Variants in TESMIN observed in about 807,000 individuals in gnomAD.
TESMIN encodes the protein testis expressed metallothionein like protein.
In TESMIN, 34 loss-of-function variants were observed where a neutral mutation model predicts 47.4. The observed-to-expected ratio is 0.72, with a 90% CI of 0.55 to 0.96. The LOEUF is 0.96. Ranked by LOEUF, TESMIN falls within the 40% of genes least tolerant of loss-of-function variation. TESMIN has a pLI of 0.00. For missense variants in TESMIN, 610 were observed against 637.2 expected, an observed-to-expected ratio of 0.96 and a Z score of 0.46; for synonymous variants, 278 against 258.9, an observed-to-expected ratio of 1.07 and a Z score of -0.71.
intron 6 of TESMIN, among the ~76,000 whole-genome samples, chr11:68,720,268 T>C (rs1281752028): frequency 1.6e-4 from 25 of 152,174 alleles, no homozygotes; most frequent in Non-Finnish European, 5.9e-5. Flanking sequence ...TTTTGAAGAT[T>C]TTAAAATCTG....
chr11:68,745,283 T>C (rs1946505499), intron 3 of TESMIN, among the ~76,000 whole-genome samples, 172 bp from the exon 4 acceptor site: 2 of 149,876 alleles, frequency 1.3e-5, no homozygotes, highest in South Asian at 2.1e-4. Context: ...AACATGCTCT[T>C]TGGAGACACC....
At chr11:68,749,080 C>T (rs888910703) in intron 2 of TESMIN, among the ~76,000 whole-genome samples, 24 of 152,346 alleles carry the variant, frequency 1.6e-4, no homozygotes, top group Middle Eastern at 3.4e-3. Flanking sequence ...CTAGGACCTA[C>T]GGGCAGGAGG....
intron 2 of TESMIN, among the ~76,000 whole-genome samples, chr11:68,747,833 T>C (rs1325316587): frequency 6.6e-6 from 1 of 152,200 alleles, no homozygotes; most frequent in Non-Finnish European, 1.5e-5. Context: ...AGCTGTCTTC[T>C]GTAACAACTG....
intron 6 of TESMIN, among the ~76,000 whole-genome samples, chr11:68,721,571 T>C (rs1401054783): frequency 6.6e-6 from 1 of 152,224 alleles, no homozygotes; most frequent in Non-Finnish European, 1.5e-5. Context: ...ACTCTCTTGC[T>C]CACTCTGTCT....
At chr11:68,739,802 G>T (rs1276204887) in intron 5 of TESMIN, among the ~76,000 whole-genome samples, 1 of 152,186 alleles carries the variant, frequency 6.6e-6, no homozygotes, top group Admixed American at 6.5e-5. Flanking sequence ...CCTGAGACAG[G>T]TGTCCCTTTT....
At chr11:68,736,572 A>G (rs1432831749) in intron 6 of TESMIN, 2 of 985,336 alleles carry the variant, frequency 2.0e-6, no homozygotes, top group African/African-American at 3.5e-5. Context: ...CGAGATAAAA[A>G]TCATCAGGCC....
At chr11:68,731,166 T>G (rs76209308) in intron 6 of TESMIN, among the ~76,000 whole-genome samples, 11,026 of 152,192 alleles carry the variant, frequency 0.072, 446 homozygotes, top group Middle Eastern at 0.15. Flanking sequence ...GGAAGCTTCT[T>G]GGAGGGAGAC....
chr11:68,737,016 A>G, intron 6 of TESMIN: 1 of 985,454 alleles, frequency 1.0e-6, no homozygotes. Flanking sequence ...TGAATGTTCT[A>G]GACACAATAC....
intron 6 of TESMIN, 85 bp downstream of exon 6, chr11:68,738,613 TTA>T (rs1189828818): frequency 6.3e-7 from 1 of 1,576,446 alleles, no homozygotes; most frequent in East Asian, 2.3e-5. Context: ...GAAGCTCATT[TTA>T]TAGTATAGAA....
chr11:68,713,479 A>C, intron 7 of TESMIN, 72 bp from the exon 8 acceptor site: 126 of 1,530,562 alleles, frequency 8.2e-5, no homozygotes, highest in Middle Eastern at 1.8e-4. Context: ...AGGGCATCTC[A>C]TTTGAATCTG....
At chr11:68,747,057 A>C in intron 3 of TESMIN, 151 bp downstream of exon 3, 1 of 740,378 alleles carries the variant, frequency 1.4e-6, no homozygotes, top group Admixed American at 2.2e-5. Context: ...TGAAAGGCTC[A>C]TGTCCCTGTT....
chr11:68,740,568 G>C (rs956658551), intron 5 of TESMIN, among the ~76,000 whole-genome samples: 3 of 152,114 alleles, frequency 2.0e-5, no homozygotes, highest in Admixed American at 2.0e-4. Context: ...AGCGTGGAGG[G>C]GGCCAGACGG....
intron 6 of TESMIN, among the ~76,000 whole-genome samples, chr11:68,729,149 A>T (rs974116616): frequency 7.2e-5 from 11 of 152,348 alleles, no homozygotes; most frequent in African/African-American, 2.4e-4. Context: ...CCTTCTGGAA[A>T]TTATTCCATT....
chr11:68,719,131 G>T (rs1946175604), intron 6 of TESMIN, among the ~76,000 whole-genome samples: 1 of 152,174 alleles, frequency 6.6e-6, no homozygotes, highest in African/African-American at 2.4e-5. Context: ...CTGGAAACCA[G>T]CCCCTCCATG....
At chr11:68,743,556 C>T (rs780197358) in intron 4 of TESMIN, among the ~76,000 whole-genome samples, 6 of 152,002 alleles carry the variant, frequency 3.9e-5, no homozygotes, top group Non-Finnish European at 8.8e-5. Flanking sequence ...GCACTACTTT[C>T]GATTTATGTG....
intron 2 of TESMIN, 24 bp downstream of exon 2, chr11:68,750,166 G>A (rs1252107390): frequency 6.9e-7 from 1 of 1,439,618 alleles, no homozygotes; most frequent in Non-Finnish European, 9.1e-7. Context: ...GGGGAGCTGT[G>A]CCCATTCCCC....
At chr11:68,741,855 C>T (rs759101159) in intron 5 of TESMIN, among the ~76,000 whole-genome samples, 8 of 152,168 alleles carry the variant, frequency 5.3e-5, no homozygotes, top group East Asian at 1.9e-4. Flanking sequence ...AAGGCTCTTC[C>T]GGGGAGGTGA....
intron 8 of TESMIN, among the ~76,000 whole-genome samples, chr11:68,711,673 CATGTGAGGCTATT>C (rs1259876115): frequency 6.6e-5 from 10 of 152,312 alleles, no homozygotes; most frequent in African/African-American, 1.7e-4. Flanking sequence ...TCTCTTTCAG[CATGTGAGGCTATT>C]ATGCTGGTTC....
intron 6 of TESMIN, among the ~76,000 whole-genome samples, chr11:68,726,438 C>A (rs1470314981): frequency 6.6e-6 from 1 of 152,102 alleles, no homozygotes; most frequent in Non-Finnish European, 1.5e-5. Flanking sequence ...CAAAGAACTC[C>A]CACAGGGAAA....
Sources: allele counts gnomAD v4.1 joint callset (sites outside exome capture counted in the v4.1 genomes callset), GRCh38; gene constraint gnomAD v4.1.1; transcripts MANE v1.5; gene names NCBI Gene and HGNC (gene_info 2026-07-23, HGNC 2026-07-21).